Variants in HIVEP1 observed in about 807,000 individuals in gnomAD.
HIVEP1 encodes HIVEP zinc finger 1.
Under a neutral mutation model 180.0 loss-of-function variants are expected in HIVEP1, and 36 were observed. The ratio of observed to expected loss-of-function variants is 0.20; its 90% CI spans 0.15 to 0.26. The LOEUF is 0.26. HIVEP1 is among the 10% of genes least tolerant of loss of function. HIVEP1 has a pLI of 1.00. For synonymous variants in HIVEP1, 1,239 were observed against 1,239.0 expected (o/e 1.00, Z 0.00); for missense variants, 3,143 against 3,268.7 (o/e 0.96, Z 0.94).
At position 12,124,840 on chromosome 6, in the gene HIVEP1, A is replaced by G; in HGVS notation, c.5045A>G (p.Glu1682Gly). 6.2e-7 allele frequency: 1 copy of G among 1,614,242 alleles called. No homozygotes were observed. Among genetic ancestry groups the G allele is most frequent in the Non-Finnish European group, 8.5e-7 (1 of 1,180,038 alleles). ...CATAGTGTAGTGCCAATCAGTGAAG[A>G]ACAAAATTCTGTGCCAACATTACAA... ...TNHSVVPISE[E>G]QNSVPTLQKG... is the part of the protein sequence containing the mutation. Residue 1682 changes from glutamate to glycine, a missense_variant, in exon 4 of 9, where the codon GAA becomes GGA. By Grantham distance (98) the Glu-to-Gly change is moderately conservative (BLOSUM62 -2). Around this residue, in one of 12 missense-constraint regions of HIVEP1, gnomAD observed 1,357 missense variants for 1,260.5 expected, o/e 1.08. Transcript: ENST00000379388.
At chr6:12,203,172 A>G in the HIVEP1 span, among the ~76,000 whole-genome samples, 1 of 152,174 alleles carries the variant, frequency 6.6e-6, no homozygotes, top group Non-Finnish European at 1.5e-5. Context: ...TGACACAGGG[A>G]GCTTTGCCCC....
the HIVEP1 span, among the ~76,000 whole-genome samples, chr6:12,206,492 G>A: frequency 1.3e-5 from 2 of 152,122 alleles, no homozygotes; most frequent in Admixed American, 1.3e-4. Context: ...GAAAGAGAGA[G>A]AGAATGCCAC....
intron 2 of HIVEP1, among the ~76,000 whole-genome samples, chr6:12,043,918 C>T (rs1250041704): frequency 6.6e-6 from 1 of 152,142 alleles, no homozygotes; most frequent in African/African-American, 2.4e-5. Flanking sequence ...TAAAAGTTTC[C>T]ACAGAGTTTT....
downstream of HIVEP1, among the ~76,000 whole-genome samples, chr6:12,168,749 G>A (rs560554431): frequency 2.9e-3 from 434 of 151,946 alleles, no homozygotes; most frequent in African/African-American, 9.4e-3. Context: ...TACATTATAC[G>A]AGATATTCTA....
chr6:12,009,517 G>A (rs1767173751), upstream of HIVEP1, among the ~76,000 whole-genome samples: 1 of 152,164 alleles, frequency 6.6e-6, no homozygotes, highest in African/African-American at 2.4e-5. Flanking sequence ...ATTGTCCCAG[G>A]ATTTTTGACA....
At chr6:12,188,192 C>T in the HIVEP1 span, among the ~76,000 whole-genome samples, 16 of 152,100 alleles carry the variant, frequency 1.1e-4, no homozygotes, top group East Asian at 3.1e-3. Context: ...TAAAAAATGA[C>T]AAGCCACAAC....
At chr6:12,139,140 C>T (rs1268622293) in intron 7 of HIVEP1, among the ~76,000 whole-genome samples, 2 of 151,924 alleles carry the variant, frequency 1.3e-5, no homozygotes, top group Non-Finnish European at 2.9e-5. Context: ...GCTTAAAAGC[C>T]CCAGGGGTTT....
chr6:12,112,216 T>TA (rs202093984), intron 3 of HIVEP1, among the ~76,000 whole-genome samples: 1,639 of 152,244 alleles, frequency 0.011, 35 homozygotes, highest in African/African-American at 0.038. Context: ...TTCAGTAGTG[T>TA]AAAAATATCA....
intron 2 of HIVEP1, among the ~76,000 whole-genome samples, chr6:12,071,658 G>T (rs1378148594): frequency 6.6e-6 from 1 of 152,194 alleles, no homozygotes; most frequent in Non-Finnish European, 1.5e-5. Flanking sequence ...GTGTATGTTA[G>T]AAAATAGATT....
the HIVEP1 span, among the ~76,000 whole-genome samples, chr6:12,187,994 G>A: frequency 0.23 from 35,516 of 152,088 alleles, 4,581 homozygotes; most frequent in East Asian, 0.51. Flanking sequence ...ATACAAGACA[G>A]CCTATCAGGG....
At chr6:12,101,542 T>C (rs2113395888) in intron 3 of HIVEP1, among the ~76,000 whole-genome samples, 1 of 152,050 alleles carries the variant, frequency 6.6e-6, no homozygotes, top group Non-Finnish European at 1.5e-5. Context: ...CTAAAGAGAC[T>C]CTGAAGATGT....
At chr6:12,181,601 C>G in the HIVEP1 span, among the ~76,000 whole-genome samples, 1 of 151,968 alleles carries the variant, frequency 6.6e-6, no homozygotes, top group African/African-American at 2.4e-5. Context: ...TAAACTCTAT[C>G]AGATCTGTTA....
intron 8 of HIVEP1, among the ~76,000 whole-genome samples, 181 bp downstream of exon 8, chr6:12,162,110 T>C (rs1466933900): frequency 6.6e-6 from 1 of 152,110 alleles, no homozygotes; most frequent in Non-Finnish European, 1.5e-5. Flanking sequence ...TGGAGTCTTG[T>C]TGAGTATCTT....
At chr6:12,026,648 G>A (rs1305316621) in intron 2 of HIVEP1, among the ~76,000 whole-genome samples, 3 of 152,206 alleles carry the variant, frequency 2.0e-5, no homozygotes, top group Middle Eastern at 3.2e-3. Context: ...AAGGTCATAA[G>A]TATTTAAAGA....
intron 3 of HIVEP1, among the ~76,000 whole-genome samples, chr6:12,090,704 A>G (rs1773412344): frequency 1.4e-5 from 2 of 138,126 alleles, no homozygotes; most frequent in South Asian, 2.4e-4. Context: ...AAGAGGCCAT[A>G]CTTTTAAAGT....
Position 12,123,280 on chromosome 6 carries a change from T to C in HIVEP1, c.3485T>C (p.Phe1162Ser), listed in dbSNP as rs1010250165. The C allele has an allele frequency of 1.9e-6, 3 of 1,614,174 alleles. No individual in the cohort carries two copies. The highest frequency in any genetic ancestry group is 2.7e-5 in the African/African-American group (2 of 75,050). Reference sequence around the variant, plus strand: ...TTTGAAAGAGCCTCCCCAGTTTCTTTCCAGGAGCTGAATAGAACGGGGAAG... The same window carrying C: ...TTTGAAAGAGCCTCCCCAGTTTCTTCCCAGGAGCTGAATAGAACGGGGAAG... ...EPFERASPVSFQELNRTGKSG... is the reference protein window; with the variant it reads ...EPFERASPVSSQELNRTGKSG... The change falls in exon 4 of 9, where the codon TTC becomes TCC. Residue 1162 changes from phenylalanine (F) to serine (S), a missense_variant. By Grantham distance (155) the Phe-to-Ser change is radical. Coordinates refer to ENST00000379388, the MANE Select transcript of HIVEP1 (RefSeq NM_002114.4).
At chr6:12,205,199 C>T in the HIVEP1 span, among the ~76,000 whole-genome samples, 897 of 152,218 alleles carry the variant, frequency 5.9e-3, 2 homozygotes, top group Non-Finnish European at 0.01. Context: ...CGGCTGGGCG[C>T]GGTGGCTCAT....
At position 12,157,839 on chromosome 6, in the gene HIVEP1, T is replaced by C. The variant is rs78104024; in HGVS notation, c.6488-3600T>C. Among the ~76,000 whole-genome samples, 402 of 152,318 alleles carry C rather than the reference T, an allele frequency of 2.6e-3. 1 individual carries two copies. Among genetic ancestry groups the C allele is most frequent in the Non-Finnish European group, 4.4e-3 (296 of 68,014 alleles). On this transcript the variant is annotated intron_variant, in intron 7 of 8. Coordinates refer to ENST00000379388, the MANE Select transcript of HIVEP1 (RefSeq NM_002114.4). ...TGGCAATGAATCCCCTCAGTTTTTG[T>C]TTTTCTAAGAAAGTCTGTATTTCTC... is the stretch of plus-strand genomic sequence containing the variant.
intron 3 of HIVEP1, among the ~76,000 whole-genome samples, chr6:12,098,400 C>G (rs943356983): frequency 6.6e-6 from 1 of 152,064 alleles, no homozygotes; most frequent in African/African-American, 2.4e-5. Flanking sequence ...GAGAAAAACC[C>G]AGGTTTTGTT....
Sources: allele counts gnomAD v4.1 joint callset (sites outside exome capture counted in the v4.1 genomes callset), GRCh38; gene constraint gnomAD v4.1.1; regional missense constraint gnomAD v4.1.1; transcripts MANE v1.5; gene names NCBI Gene and HGNC (gene_info 2026-07-23, HGNC 2026-07-21).